F13A1: variants seen among roughly 807,000 people sequenced by gnomAD.
F13A1 encodes FSF, A subunit.
A neutral mutation model predicts 80.1 loss-of-function variants in F13A1; 47 were observed. That is an observed-to-expected ratio of 0.59 (90% CI 0.46 to 0.75). The LOEUF (loss-of-function observed/expected upper bound fraction) is 0.75, where lower values mean the gene tolerates loss of function less well. F13A1 is among the 30% of genes least tolerant of loss of function. The pLI is 0.00. For missense variants in F13A1, 817 were observed against 930.4 expected, an observed-to-expected ratio of 0.88 and a Z score of 1.59; for synonymous variants, 349 against 344.9, an observed-to-expected ratio of 1.01 and a Z score of -0.13.
At chr6:6,161,632 ATTTTC>A (rs1393285366) in intron 13 of F13A1, among the ~76,000 whole-genome samples, 1 of 151,378 alleles carries the variant, frequency 6.6e-6, no homozygotes, top group Non-Finnish European at 1.5e-5. Flanking sequence ...TTGTAATGAA[ATTTTC>A]TTTTCTCATC....
intron 8 of F13A1, among the ~76,000 whole-genome samples, chr6:6,207,736 AG>A (rs1761520628): frequency 6.6e-6 from 1 of 152,204 alleles, no homozygotes; most frequent in African/African-American, 2.4e-5. Flanking sequence ...AAAGCTGGGG[AG>A]CTTTTGGCCC....
At chr6:6,159,330 C>T (rs150493912) in intron 13 of F13A1, among the ~76,000 whole-genome samples, 6 of 152,122 alleles carry the variant, frequency 3.9e-5, no homozygotes, top group Non-Finnish European at 5.9e-5. Flanking sequence ...GGGTGTGAGC[C>T]GTAGGGAGAC....
In F13A1 at chr6:6,144,181, AT is replaced by A. The variant is rs1377831013; in HGVS notation, c.*1437del. The A allele has an allele frequency of 5.9e-5, 9 of 152,318 alleles. No homozygotes were observed. Among genetic ancestry groups the A allele is most frequent in the Admixed American group, 1.3e-4 (2 of 15,302 alleles). 9.4% of individuals were successfully genotyped at this position (152,318 alleles called of 1,614,324 possible). ...TTAACTGTCTAGCAAAATGCATTTCATTTTAAAATTGGATATTGGGAGACTT... is the reference window on the plus strand; with the variant it reads ...TTAACTGTCTAGCAAAATGCATTTCATTTAAAATTGGATATTGGGAGACTT... On this transcript the variant is annotated 3_prime_UTR_variant, in exon 15 of 15. Coordinates refer to ENST00000264870, the MANE Select transcript of F13A1 (RefSeq NM_000129.4).
chr6:6,269,864 C>A (rs1757897801), intron 3 of F13A1, among the ~76,000 whole-genome samples: 1 of 152,050 alleles, frequency 6.6e-6, no homozygotes, highest in African/African-American at 2.4e-5. Flanking sequence ...CAGGCGCCCA[C>A]CATCACGCCC....
intron 8 of F13A1, 98 bp from the exon 9 acceptor site, chr6:6,197,424 A>C (rs1761311240): frequency 8.6e-7 from 1 of 1,168,836 alleles, no homozygotes; most frequent in Admixed American, 1.9e-5. Flanking sequence ...TCATGCCTGT[A>C]ATCCCAGCAA....
At chr6:6,222,586 A>G (rs951258822) in intron 7 of F13A1, among the ~76,000 whole-genome samples, 1 of 152,248 alleles carries the variant, frequency 6.6e-6, no homozygotes, top group African/African-American at 2.4e-5. Context: ...TGTCTTGGCC[A>G]GAATTTGCTC....
rs530383172 is a variant in F13A1 at position 6,274,384 on chromosome 6, G to T, written c.320-7575C>A. Reference sequence around the variant, plus strand: ...TATACATGAAACCAGCATCGTGCTAGGTTTTTTGAGTGAATCAGAAAGAAA... The same window carrying T: ...TATACATGAAACCAGCATCGTGCTATGTTTTTTGAGTGAATCAGAAAGAAA... On this transcript the variant is annotated intron_variant, in intron 3 of 14. Transcript: ENST00000264870. 5.3e-4 allele frequency among the ~76,000 whole-genome samples: 80 copies of T among 152,330 alleles called. No individual in the cohort carries two copies. In the South Asian group the frequency reaches 5.8e-3, roughly 11 times the overall value.
At chr6:6,161,060 T>C (rs1051137578) in intron 13 of F13A1, among the ~76,000 whole-genome samples, 1 of 152,198 alleles carries the variant, frequency 6.6e-6, no homozygotes, top group African/African-American at 2.4e-5. Context: ...TGCTGGCTCC[T>C]GAGCTGCTTT....
intron 14 of F13A1, among the ~76,000 whole-genome samples, chr6:6,151,042 T>C (rs926959568): frequency 6.6e-6 from 1 of 152,136 alleles, no homozygotes; most frequent in Non-Finnish European, 1.5e-5. Flanking sequence ...ATTGGCAGGA[T>C]CAAATGGTAG....
At chr6:6,278,969 C>T (rs967767642) in intron 3 of F13A1, among the ~76,000 whole-genome samples, 2 of 152,152 alleles carry the variant, frequency 1.3e-5, no homozygotes, top group African/African-American at 4.8e-5. Flanking sequence ...AATATTCCCC[C>T]TTTGCTTGTT....
intron 14 of F13A1, among the ~76,000 whole-genome samples, chr6:6,146,302 T>C (rs1185621358): frequency 6.6e-6 from 1 of 152,222 alleles, no homozygotes; most frequent in Non-Finnish European, 1.5e-5. Context: ...CTGCTGCCAT[T>C]TGACTTTGAG....
At chr6:6,147,161 G>T (rs906831392) in intron 14 of F13A1, among the ~76,000 whole-genome samples, 1 of 152,216 alleles carries the variant, frequency 6.6e-6, no homozygotes, top group South Asian at 2.1e-4. Flanking sequence ...GGACTCAGGG[G>T]AAAGGTGGGA....
At chr6:6,213,258 A>T (rs1445303980) in intron 8 of F13A1, among the ~76,000 whole-genome samples, 67 of 151,688 alleles carry the variant, frequency 4.4e-4, no homozygotes, top group African/African-American at 1.5e-3. Flanking sequence ...TGAAGGAAAA[A>T]ATGTTAAGGG....
intron 8 of F13A1, among the ~76,000 whole-genome samples, chr6:6,213,045 A>G (rs944997462): frequency 2.0e-5 from 3 of 152,250 alleles, no homozygotes; most frequent in African/African-American, 7.2e-5. Context: ...GACCAAATCT[A>G]CGTCTGATTG....
At chr6:6,218,301 G>C (rs1043269982) in intron 8 of F13A1, among the ~76,000 whole-genome samples, 1 of 152,136 alleles carries the variant, frequency 6.6e-6, no homozygotes, top group Non-Finnish European at 1.5e-5. Context: ...AACCATTGCT[G>C]TCCCCCTGCC....
intron 11 of F13A1, among the ~76,000 whole-genome samples, chr6:6,177,064 C>G (rs1351859915): frequency 6.6e-6 from 1 of 152,176 alleles, no homozygotes; most frequent in African/African-American, 2.4e-5. Context: ...TCCTGTTTCT[C>G]TACAGTTATG....
intron 2 of F13A1, among the ~76,000 whole-genome samples, chr6:6,313,330 G>C (rs775469957): frequency 7.1e-6 from 1 of 140,664 alleles, no homozygotes. Context: ...TTGGCAGCTC[G>C]CTCTTTCAAA....
chr6:6,249,096 T>A (rs1757594751), intron 5 of F13A1, among the ~76,000 whole-genome samples: 1 of 152,160 alleles, frequency 6.6e-6, no homozygotes, highest in South Asian at 2.1e-4. Context: ...TAAAAAGGAA[T>A]AAAGATCAAA....
intron 8 of F13A1, among the ~76,000 whole-genome samples, chr6:6,201,122 A>G (rs1217168741): frequency 6.6e-6 from 1 of 152,366 alleles, no homozygotes; most frequent in East Asian, 1.9e-4. Flanking sequence ...AATAGGCTCC[A>G]GAATAGCCTT....
Sources: gnomAD v4.1 joint callset for allele counts (sites outside exome capture counted in the v4.1 genomes callset) on GRCh38, gnomAD v4.1.1 for gene constraint, MANE v1.5 for transcripts, NCBI Gene and HGNC (gene_info 2026-07-23, HGNC 2026-07-21) for gene names.